Variants in ANKS1B observed in about 807,000 individuals in gnomAD.
ANKS1B encodes the protein ankyrin repeat and sterile alpha motif domain-containing protein 1B.
ANKS1B carries 36 observed loss-of-function variants against 148.3 expected under a neutral mutation model. The observed-to-expected ratio is 0.24, with a 90% CI of 0.19 to 0.32. The LOEUF is 0.32. Ranked by LOEUF, ANKS1B falls within the 10% of genes least tolerant of loss-of-function variation. ANKS1B has a pLI of 1.00. For synonymous variants in ANKS1B, 542 were observed against 560.8 expected (o/e 0.97, Z 0.47); for missense variants, 1,157 against 1,542.6 (o/e 0.75, Z 4.19).
chr12:99,954,592 C>T (rs986645220), intron 1 of ANKS1B, among the ~76,000 whole-genome samples: 2 of 152,204 alleles, frequency 1.3e-5, no homozygotes, highest in African/African-American at 2.4e-5. Flanking sequence ...GTAACATTTA[C>T]GGAGCCATTC....
Position 99,066,228 on chromosome 12 carries a change from C to T in ANKS1B, c.2626-12919G>A, listed in dbSNP as rs770955052. 1.5e-4 allele frequency among the ~76,000 whole-genome samples: 23 copies of T among 151,992 alleles called. No homozygotes were observed. In the East Asian group the frequency reaches 2.1e-3, roughly 14 times the overall value. Reference sequence around the variant, plus strand: ...CTACTCAGGAGGTTAGGTTGAGGCGCGAGAATTGCTTGAACCCAGGAGGCA... The same window carrying T: ...CTACTCAGGAGGTTAGGTTGAGGCGTGAGAATTGCTTGAACCCAGGAGGCA... On this transcript the variant is annotated intron_variant, in intron 16 of 26. Transcript: ENST00000683438.
chr12:99,937,291 C>T (rs949971441), intron 1 of ANKS1B, among the ~76,000 whole-genome samples: 5 of 152,146 alleles, frequency 3.3e-5, no homozygotes, highest in African/African-American at 1.2e-4. Context: ...TGGAAAGTAA[C>T]CTCCATCTTA....
intron 9 of ANKS1B, among the ~76,000 whole-genome samples, chr12:99,560,004 G>A (rs2097315954): frequency 6.6e-6 from 1 of 152,130 alleles, no homozygotes; most frequent in Non-Finnish European, 1.5e-5. Context: ...CAGTACTTCA[G>A]AAAATGAAGA....
chr12:99,302,950 A>G (rs1282630656), intron 12 of ANKS1B, among the ~76,000 whole-genome samples: 1 of 152,184 alleles, frequency 6.6e-6, no homozygotes, highest in Admixed American at 6.5e-5. Flanking sequence ...AGAAGTCCAG[A>G]AGATTAGTTA....
chr12:99,357,673 AAC>A (rs1371535393), intron 12 of ANKS1B, among the ~76,000 whole-genome samples: 2 of 152,150 alleles, frequency 1.3e-5, no homozygotes, highest in Non-Finnish European at 1.5e-5. Context: ...CCTAACACAT[AAC>A]ACAGTGTCTT....
At chr12:99,764,805 T>C (rs1406506525) in intron 8 of ANKS1B, among the ~76,000 whole-genome samples, 5 of 152,132 alleles carry the variant, frequency 3.3e-5, no homozygotes, top group African/African-American at 1.2e-4. Flanking sequence ...AAGCTAGAAA[T>C]GAAGGGTCTT....
At chr12:99,268,437 G>A (rs1028065108) in intron 12 of ANKS1B, among the ~76,000 whole-genome samples, 12 of 152,148 alleles carry the variant, frequency 7.9e-5, no homozygotes, top group Admixed American at 4.6e-4. Context: ...AAATCAGACC[G>A]GCTAAGTTCT....
intron 1 of ANKS1B, among the ~76,000 whole-genome samples, chr12:99,976,375 G>A (rs1336590314): frequency 6.6e-6 from 1 of 152,114 alleles, no homozygotes; most frequent in African/African-American, 2.4e-5. Context: ...AGATAGGCTG[G>A]AATCTAGAGA....
chr12:98,809,695 C>T (rs905433350), intron 19 of ANKS1B, among the ~76,000 whole-genome samples: 15 of 152,050 alleles, frequency 9.9e-5, no homozygotes, highest in Non-Finnish European at 7.4e-5. Context: ...TTCTACTGAC[C>T]CTGAAATGAA....
At chr12:99,532,265 C>T (rs1469232614) in intron 9 of ANKS1B, among the ~76,000 whole-genome samples, 3 of 151,900 alleles carry the variant, frequency 2.0e-5, no homozygotes, top group Non-Finnish European at 4.4e-5. Flanking sequence ...AATTATTTGC[C>T]GAAGGCAATA....
intron 20 of ANKS1B, among the ~76,000 whole-genome samples, chr12:98,803,387 G>A (rs1025285233): frequency 1.3e-5 from 2 of 151,858 alleles, no homozygotes; most frequent in African/African-American, 2.4e-5. Context: ...TCCTTCTCCC[G>A]CTCCCTGGAT....
At chr12:98,768,426 T>TAAAA (rs386377533) in intron 25 of ANKS1B, among the ~76,000 whole-genome samples, 1,186 of 46,680 alleles carry the variant, frequency 0.025, 145 homozygotes, top group East Asian at 0.11. Flanking sequence ...GGGTGCTCTC[T>TAAAA]AAAAAAAAAA....
At chr12:98,952,309 G>T (rs2099855267) in intron 17 of ANKS1B, among the ~76,000 whole-genome samples, 1 of 152,172 alleles carries the variant, frequency 6.6e-6, no homozygotes, top group Admixed American at 6.5e-5. Flanking sequence ...TAACAAAACT[G>T]GCACTGGAAC....
chr12:99,476,170 A>C (rs2096316906), intron 10 of ANKS1B, among the ~76,000 whole-genome samples: 1 of 152,184 alleles, frequency 6.6e-6, no homozygotes, highest in South Asian at 2.1e-4. Flanking sequence ...AGGCAAGCGG[A>C]TTACTTGAGG....
At chr12:99,378,954 T>C (rs1356411744) in intron 12 of ANKS1B, among the ~76,000 whole-genome samples, 1 of 152,186 alleles carries the variant, frequency 6.6e-6, no homozygotes, top group East Asian at 1.9e-4. Flanking sequence ...TATGTACCTA[T>C]ACTCTTCCAT....
At chr12:99,450,830 A>G (rs541205377) in intron 10 of ANKS1B, among the ~76,000 whole-genome samples, 1 of 152,366 alleles carries the variant, frequency 6.6e-6, no homozygotes, top group East Asian at 1.9e-4. Context: ...AATGTATTTA[A>G]TAATATGAAG....
intron 1 of ANKS1B, among the ~76,000 whole-genome samples, chr12:99,887,853 C>T (rs1348359651): frequency 6.6e-6 from 1 of 152,154 alleles, no homozygotes; most frequent in Non-Finnish European, 1.5e-5. Flanking sequence ...CTACTATTCC[C>T]AGTACCTCGG....
At chr12:99,039,724 T>TATATGCGCAC (rs1180545159) in intron 17 of ANKS1B, among the ~76,000 whole-genome samples, 3 of 152,202 alleles carry the variant, frequency 2.0e-5, no homozygotes, top group African/African-American at 7.2e-5. Flanking sequence ...AGTTTTAGGG[T>TATATGCGCAC]ATATGTGCAC....
Position 99,657,897 on chromosome 12 carries a change from C to CAAA in ANKS1B, c.1129-2690_1129-2688dup, listed in dbSNP as rs58151526. 4.2e-3 allele frequency among the ~76,000 whole-genome samples: 317 copies of CAAA among 75,322 alleles called. 8 individuals carry two copies. The highest frequency in any genetic ancestry group is 9.3e-3 in the African/African-American group (175 of 18,894). The allele number at this position is 75,322 out of a possible 152,430, so 49.4% of individuals were successfully genotyped here. On this transcript the variant is annotated intron_variant, in intron 8 of 26. Coordinates refer to ENST00000683438, the MANE Select transcript of ANKS1B (RefSeq NM_001352186.2). Reference sequence around the variant, plus strand: ...CTTCCTCTATCTCTTTCTCCTCCCTCAAAAAAAAAAAAAAAAAAAAAAAAA... The same window carrying CAAA: ...CTTCCTCTATCTCTTTCTCCTCCCTCAAAAAAAAAAAAAAAAAAAAAAAAAAAA...
Sources: gnomAD v4.1 joint callset for allele counts (sites outside exome capture counted in the v4.1 genomes callset) on GRCh38, gnomAD v4.1.1 for gene constraint, MANE v1.5 for transcripts, NCBI Gene and HGNC (gene_info 2026-07-23, HGNC 2026-07-21) for gene names.